The following CFAP418 variants were observed in gnomAD, a reference collection of about 807,000 sequenced individuals.
CFAP418 encodes cilia- and flagella-associated protein 418.
A neutral mutation model predicts 24.7 loss-of-function variants in CFAP418; 27 were observed. That is an observed-to-expected ratio of 1.09 (90% confidence interval 0.81 to 1.51). The LOEUF (loss-of-function observed/expected upper bound fraction) is 1.51. Ranked by LOEUF, CFAP418 falls within the 40% of genes most tolerant of loss-of-function variation. The pLI, the probability that CFAP418 is intolerant of heterozygous loss-of-function variation, is 0.00. For missense variants in CFAP418, 257 were observed against 255.2 expected (o/e 1.01, Z -0.05); for synonymous variants, 74 against 87.3 (o/e 0.85, Z 0.85).
At chr8:95,251,225 C>T (rs773456262) in intron 5 of CFAP418, among the ~76,000 whole-genome samples, 2 of 152,044 alleles carry the variant, frequency 1.3e-5, no homozygotes, top group Non-Finnish European at 2.9e-5. Context: ...TCCAAAGCAC[C>T]GTGAATACAC....
At chr8:95,261,615 GT>G (rs201405968) in intron 2 of CFAP418, among the ~76,000 whole-genome samples, 1 of 151,172 alleles carries the variant, frequency 6.6e-6, no homozygotes, top group Non-Finnish European at 1.5e-5. Flanking sequence ...GTTAATACAT[GT>G]TTTTTTTTCC....
intron 1 of CFAP418, among the ~76,000 whole-genome samples, chr8:95,268,306 C>G (rs34202133): frequency 0.067 from 10,172 of 151,968 alleles, 422 homozygotes; most frequent in Non-Finnish European, 0.088. Flanking sequence ...TAACCGGGCT[C>G]GTGCCTGTAA....
chr8:95,262,523 G>A (rs1326443304), intron 2 of CFAP418, among the ~76,000 whole-genome samples: 1 of 152,010 alleles, frequency 6.6e-6, no homozygotes, highest in Non-Finnish European at 1.5e-5. Context: ...TGTGATCTTT[G>A]TAAATTAGAC....
intron 1 of CFAP418, 139 bp downstream of exon 1, chr8:95,268,896 G>C: frequency 2.2e-6 from 2 of 892,794 alleles, no homozygotes; most frequent in Non-Finnish European, 3.4e-6. Flanking sequence ...GGAGGGTAGG[G>C]CGCTGAGGGT....
rs1811859534 is a variant in CFAP418, at chr8:95,259,951, A to T, written c.309-46T>A. 3 of 1,502,070 alleles carry T rather than the reference A, an allele frequency of 2.0e-6. No homozygotes were observed. In the East Asian group the frequency reaches 7.2e-5, roughly 36 times the overall value. The allele number at this position is 1,502,070 out of a possible 1,614,324, so 93.0% of individuals were successfully genotyped here. A position where few individuals can be genotyped will look rare whatever the true frequency, so the allele number is the denominator to read the frequency against. On this transcript the variant is annotated intron_variant, in intron 3 of 5. Coordinates refer to ENST00000286688, the MANE Select transcript of CFAP418 (RefSeq NM_177965.4). Reference sequence around the variant, plus strand: ...CAAAAATATGAAGTTATAACAAAAAATAGGAGAAGTTAATTTGGCCATGTT... The same window carrying T: ...CAAAAATATGAAGTTATAACAAAAATTAGGAGAAGTTAATTTGGCCATGTT...
rs185649709 is a variant in CFAP418, at chr8:95,256,032, G to A, written c.375-3749C>T. Among the ~76,000 whole-genome samples the A allele has an allele frequency of 2.0e-5, 3 of 152,220 alleles. No individual in the cohort carries two copies. In the East Asian group the frequency reaches 5.8e-4, roughly 29 times the overall value. ...GTAGAAATCAGGTATAATTGATTTC[G>A]GCATCCCACTTGGACTAATAGTATG... On this transcript the variant is annotated intron_variant, in intron 4 of 5. Transcript: ENST00000286688.
intron 2 of CFAP418, among the ~76,000 whole-genome samples, chr8:95,262,464 T>C (rs1447697666): frequency 6.6e-6 from 1 of 152,218 alleles, no homozygotes; most frequent in African/African-American, 2.4e-5. Flanking sequence ...ATCTTCCCTA[T>C]CCTTTAAAAA....
intron 1 of CFAP418, among the ~76,000 whole-genome samples, chr8:95,265,922 A>C (rs1811971093): frequency 1.3e-5 from 2 of 152,056 alleles, no homozygotes; most frequent in Admixed American, 1.3e-4. Context: ...TCCCTTTCTG[A>C]CTCTGTTTCT....
intron 5 of CFAP418, among the ~76,000 whole-genome samples, chr8:95,250,656 C>T (rs541599206): frequency 6.6e-6 from 1 of 152,262 alleles, no homozygotes; most frequent in Admixed American, 6.5e-5. Context: ...TAATTAAAAG[C>T]CAACTTTTCC....
At chr8:95,268,899 C>T in intron 1 of CFAP418, 136 bp downstream of exon 1, 1 of 935,164 alleles carries the variant, frequency 1.1e-6, no homozygotes, top group South Asian at 1.6e-5. Flanking sequence ...GGGTAGGGCG[C>T]TGAGGGTCTG....
chr8:95,251,972 T>C (rs1375407002), intron 5 of CFAP418, among the ~76,000 whole-genome samples: 1 of 152,132 alleles, frequency 6.6e-6, no homozygotes, highest in Non-Finnish European at 1.5e-5. Context: ...CACTAGGTGA[T>C]AGGAATTTTT....
chr8:95,255,378 C>T (rs911501025), intron 4 of CFAP418, among the ~76,000 whole-genome samples: 3 of 152,158 alleles, frequency 2.0e-5, no homozygotes, highest in Admixed American at 6.5e-5. Context: ...TCTAAACATG[C>T]GTGTGCTCTG....
At chr8:95,254,648 T>C (rs1299800526) in intron 4 of CFAP418, among the ~76,000 whole-genome samples, 2 of 152,174 alleles carry the variant, frequency 1.3e-5, no homozygotes. Context: ...TCCAACCCAA[T>C]ACAATCTTCT....
chr8:95,247,826 T>TTAA, intron 5 of CFAP418, 56 bp from the exon 6 acceptor site: 9 of 1,110,542 alleles, frequency 8.1e-6, no homozygotes, highest in Non-Finnish European at 1.1e-5. Flanking sequence ...GCTTAATGAT[T>TTAA]AAAAAAAAAA....
chr8:95,267,004 A>G (rs1411445998), intron 1 of CFAP418, among the ~76,000 whole-genome samples: 2 of 152,222 alleles, frequency 1.3e-5, no homozygotes, highest in Non-Finnish European at 2.9e-5. Context: ...GACTAGTTCT[A>G]TCCCCTAGAA....
At chr8:95,252,002 T>C (rs1238796210) in intron 5 of CFAP418, among the ~76,000 whole-genome samples, 186 bp downstream of exon 5, 1 of 151,554 alleles carries the variant, frequency 6.6e-6, no homozygotes. Flanking sequence ...CATAATCTTA[T>C]GGAACCACCA....
chr8:95,248,420 T>C (rs1333748109), intron 5 of CFAP418, among the ~76,000 whole-genome samples: 2 of 152,176 alleles, frequency 1.3e-5, no homozygotes. Flanking sequence ...TGCCATATTT[T>C]AAAAGCCTGT....
Position 95,260,493 on chromosome 8 carries a change from C to T in CFAP418, c.283G>A (p.Ala95Thr), listed in dbSNP as rs1811869247. ...SKSSGNTSVR[A>T]SIEGLGKSCS... ...CTTTTACCAAGGCCTTCAATGGAAG[C>T]TCTGACAGATGTGTTACCTGAAGAT... Residue 95 changes from alanine to threonine, a missense_variant, in exon 3 of 6, where the codon GCT (alanine) becomes ACT (threonine). Coordinates refer to ENST00000286688, the MANE Select transcript of CFAP418 (RefSeq NM_177965.4). 1 of 1,590,442 alleles carries T rather than the reference C, an allele frequency of 6.3e-7. No homozygotes were observed. Among genetic ancestry groups the T allele is most frequent in the African/African-American group, 1.4e-5 (1 of 73,148 alleles).
At chr8:95,264,620 G>A (rs184114308) in intron 1 of CFAP418, among the ~76,000 whole-genome samples, 1 of 152,300 alleles carries the variant, frequency 6.6e-6, no homozygotes, top group East Asian at 1.9e-4. Flanking sequence ...TTTGTATGAA[G>A]TAGATGCTGT....
Sources: gnomAD v4.1 joint callset for allele counts (sites outside exome capture counted in the v4.1 genomes callset) on GRCh38, gnomAD v4.1.1 for gene constraint, MANE v1.5 for transcripts, NCBI Gene and HGNC (gene_info 2026-07-23, HGNC 2026-07-21) for gene names.